The following RFX3 variants were observed in gnomAD, a reference collection of about 807,000 sequenced individuals.
RFX3 encodes regulatory factor X3.
RFX3 carries 14 observed loss-of-function variants against 98.6 expected under a neutral mutation model. That is an observed-to-expected ratio of 0.14 (90% CI 0.09 to 0.22). RFX3 has a LOEUF of 0.22. Among genes scored for constraint, RFX3 ranks in the 10% least tolerant of loss-of-function variants. The pLI is 1.00. For synonymous variants in RFX3, 383 were observed against 328.4 expected (o/e 1.17, Z -1.80); for missense variants, 639 against 926.9 (o/e 0.69, Z 4.03).
At chr9:3,499,624 T>C (rs1815760625) in intron 1 of RFX3, among the ~76,000 whole-genome samples, 1 of 151,964 alleles carries the variant, frequency 6.6e-6, no homozygotes, top group Non-Finnish European at 1.5e-5. Flanking sequence ...TTTTGAAAAG[T>C]GGGTAGACAT....
At chr9:3,520,879 T>C (rs562743458) in intron 1 of RFX3, among the ~76,000 whole-genome samples, 12 of 152,194 alleles carry the variant, frequency 7.9e-5, no homozygotes, top group Admixed American at 1.3e-4. Context: ...GAAATCTTGC[T>C]ATGTTGCCCA....
chr9:3,386,097 C>T (rs1839690719), intron 2 of RFX3, among the ~76,000 whole-genome samples: 1 of 152,086 alleles, frequency 6.6e-6, no homozygotes, highest in South Asian at 2.1e-4. Flanking sequence ...ACTCATAATC[C>T]AGTCCAATAC....
chr9:3,273,120 C>T (rs1185409675), intron 9 of RFX3, among the ~76,000 whole-genome samples: 8 of 152,142 alleles, frequency 5.3e-5, no homozygotes, highest in African/African-American at 1.9e-4. Flanking sequence ...AATATATAGG[C>T]AAATATAAAT....
chr9:3,246,291 TA>T (rs151073008), intron 15 of RFX3, among the ~76,000 whole-genome samples: 125 of 146,360 alleles, frequency 8.5e-4, no homozygotes, highest in Non-Finnish European at 1.1e-3. Flanking sequence ...TTACATGTAG[TA>T]AAAAAAAAAA....
chr9:3,265,268 G>A (rs1823475029), intron 12 of RFX3, among the ~76,000 whole-genome samples: 3 of 152,172 alleles, frequency 2.0e-5, no homozygotes, highest in Admixed American at 1.3e-4. Context: ...TGGCCCTACT[G>A]TGAAAGCACA....
chr9:3,257,551 G>A (rs1822299243), intron 13 of RFX3, among the ~76,000 whole-genome samples: 1 of 152,160 alleles, frequency 6.6e-6, no homozygotes, highest in Non-Finnish European at 1.5e-5. Flanking sequence ...ATCCTATTCA[G>A]CTTTCATACT....
intron 2 of RFX3, among the ~76,000 whole-genome samples, chr9:3,362,891 C>G (rs903317548): frequency 2.0e-5 from 3 of 152,118 alleles, no homozygotes; most frequent in African/African-American, 7.2e-5. Context: ...TGTCTGGGAG[C>G]AGGAATGTTA....
At position 3,475,876 on chromosome 9, in the gene RFX3, T is replaced by G. The variant is rs945292398; in HGVS notation, c.-9+49871A>C. On this transcript the variant is annotated intron_variant, in intron 1 of 16. Transcript: ENST00000617270. ...GAAAGGGAGACTCCCCTTCCCAGTC[T>G]GCTAAGTAGTAGGTGTTTTCCCTTC... Among the ~76,000 whole-genome samples the G allele has an allele frequency of 2.6e-5, 4 of 152,184 alleles. No homozygotes were observed. In the South Asian group the frequency reaches 8.3e-4, roughly 31 times the overall value.
At chr9:3,291,772 A>G (rs995349954) in intron 6 of RFX3, among the ~76,000 whole-genome samples, 1 of 152,074 alleles carries the variant, frequency 6.6e-6, no homozygotes, top group Non-Finnish European at 1.5e-5. Flanking sequence ...GAAGTCAATT[A>G]CTAAGGAAGG....
intron 4 of RFX3, among the ~76,000 whole-genome samples, chr9:3,310,717 G>C (rs1365803025): frequency 6.6e-6 from 1 of 152,154 alleles, no homozygotes; most frequent in Non-Finnish European, 1.5e-5. Flanking sequence ...GGATTTTCTT[G>C]AGATGTGTAG....
At chr9:3,307,758 A>G (rs1218073029) in intron 4 of RFX3, among the ~76,000 whole-genome samples, 4 of 152,168 alleles carry the variant, frequency 2.6e-5, no homozygotes, top group African/African-American at 9.6e-5. Context: ...TCATTTTGTT[A>G]TTGAAATTTC....
intron 3 of RFX3, among the ~76,000 whole-genome samples, chr9:3,344,491 A>G (rs1229014256): frequency 6.6e-6 from 1 of 152,162 alleles, no homozygotes; most frequent in Non-Finnish European, 1.5e-5. Flanking sequence ...CTCAACTGGT[A>G]CTTCATTTCA....
At chr9:3,418,025 T>C (rs7867947) in intron 1 of RFX3, among the ~76,000 whole-genome samples, 149 of 152,334 alleles carry the variant, frequency 9.8e-4, no homozygotes, top group Middle Eastern at 3.4e-3. Flanking sequence ...CTTTATCTGA[T>C]TAATGTGAGC....
intron 1 of RFX3, among the ~76,000 whole-genome samples, chr9:3,471,106 T>G (rs1377810163): frequency 1.3e-5 from 2 of 152,050 alleles, no homozygotes; most frequent in Admixed American, 6.6e-5. Flanking sequence ...ATTGTGGTGC[T>G]TTGGCCCAAA....
chr9:3,483,671 T>C (rs1850005868), intron 1 of RFX3, among the ~76,000 whole-genome samples: 2 of 152,198 alleles, frequency 1.3e-5, no homozygotes, highest in South Asian at 4.1e-4. Context: ...AGGTATATGC[T>C]TTCCTCTATT....
intron 1 of RFX3, among the ~76,000 whole-genome samples, chr9:3,480,137 G>C (rs961724939): frequency 3.3e-5 from 5 of 152,170 alleles, no homozygotes; most frequent in Non-Finnish European, 7.4e-5. Flanking sequence ...CATTTTATTT[G>C]GTCATAATTC....
intron 1 of RFX3, chr9:3,489,476 G>C (rs1010043067): frequency 1.1e-6 from 1 of 939,762 alleles, no homozygotes; most frequent in African/African-American, 1.8e-5. Context: ...AACTATTATT[G>C]AGTAGTAGAG....
intron 1 of RFX3, among the ~76,000 whole-genome samples, chr9:3,496,616 C>T (rs183262840): frequency 8.0e-4 from 121 of 152,048 alleles, no homozygotes; most frequent in Non-Finnish European, 1.4e-3. Flanking sequence ...TCTCTCTATA[C>T]GCTTATCTCA....
intron 2 of RFX3, among the ~76,000 whole-genome samples, chr9:3,349,215 C>G (rs757392162): frequency 6.6e-6 from 1 of 151,852 alleles, no homozygotes; most frequent in African/African-American, 2.4e-5. Flanking sequence ...GAGATTTTAA[C>G]ATGATTACTT....
Sources: gnomAD v4.1 joint callset for allele counts (sites outside exome capture counted in the v4.1 genomes callset) on GRCh38, gnomAD v4.1.1 for gene constraint, MANE v1.5 for transcripts, NCBI Gene and HGNC (gene_info 2026-07-23, HGNC 2026-07-21) for gene names.